The following EDA variants were observed in gnomAD, a reference collection of about 807,000 sequenced individuals.
EDA encodes the protein ectodysplasin-A.
Under a neutral mutation model 23.6 loss-of-function variants are expected in EDA, and 2 were observed. The ratio of observed to expected loss-of-function variants is 0.08; its 90% CI spans 0.03 to 0.27. The LOEUF (loss-of-function observed/expected upper bound fraction) is 0.27, where lower values mean the gene tolerates loss of function less well. Among genes scored for constraint, EDA ranks in the 10% least tolerant of loss-of-function variants. The pLI is 1.00. For synonymous variants in EDA, 131 were observed against 132.0 expected, an observed-to-expected ratio of 0.99 and a Z score of 0.05; for missense variants, 229 against 324.2, an observed-to-expected ratio of 0.71 and a Z score of 2.26.
At chrX:69,924,017 G>T (rs751779391) in intron 1 of EDA, among the ~76,000 whole-genome samples, 2 of 110,930 alleles carry the variant, frequency 1.8e-5, no homozygotes, top group East Asian at 5.7e-4. Flanking sequence ...TCTGATTGGG[G>T]TTGTTTTTTT....
At chrX:69,853,267 C>A (rs1049304067) in intron 1 of EDA, among the ~76,000 whole-genome samples, 14 of 111,487 alleles carry the variant, frequency 1.3e-4, no homozygotes, top group Non-Finnish European at 1.9e-5. Context: ...AAAATATAAT[C>A]ATTAAAATTA....
intron 1 of EDA, among the ~76,000 whole-genome samples, chrX:69,698,330 G>T (rs1602307549): frequency 9.0e-6 from 1 of 111,717 alleles, no homozygotes; most frequent in Middle Eastern, 4.6e-3. Flanking sequence ...TCTCACTGCA[G>T]TTGGCATGCT....
At chrX:69,921,149 T>C (rs1358373472) in intron 1 of EDA, among the ~76,000 whole-genome samples, 1 of 110,931 alleles carries the variant, frequency 9.0e-6, no homozygotes, top group Admixed American at 9.7e-5. Context: ...TGAACACTTC[T>C]TAACTTGATG....
rs777710048 is a variant in EDA at position 69,990,402 on chromosome X, A to C, written c.503-32816A>C. The stretch of plus-strand genomic sequence containing the variant: ...GATAGCTATCTACTGATTGATAGCT[A>C]TCTACTGATAGCTATCTACTGATTG... On this transcript the variant is annotated intron_variant, in intron 2 of 7. Coordinates refer to ENST00000374552, the MANE Select transcript of EDA (RefSeq NM_001399.5). Among the ~76,000 whole-genome samples the C allele has an allele frequency of 3.6e-5, 4 of 111,127 alleles. No homozygotes were observed. The South Asian group carries it at 1.6e-3, about 43-fold the overall frequency.
At chrX:70,007,882 T>C (rs1007160765) in intron 2 of EDA, among the ~76,000 whole-genome samples, 3 of 112,253 alleles carry the variant, frequency 2.7e-5, no homozygotes, top group African/African-American at 9.7e-5. Flanking sequence ...TATGTTAATA[T>C]AAATAGTGTT....
At chrX:69,732,067 T>C (rs2013051702) in intron 1 of EDA, among the ~76,000 whole-genome samples, 1 of 107,099 alleles carries the variant, frequency 9.3e-6, no homozygotes, top group Non-Finnish European at 2.0e-5. Context: ...ATCTGTTACA[T>C]TGATTAATTA....
intron 1 of EDA, among the ~76,000 whole-genome samples, chrX:69,863,221 AC>A (rs1361856536): frequency 9.2e-6 from 1 of 108,762 alleles, no homozygotes; most frequent in Non-Finnish European, 1.9e-5. Flanking sequence ...CAGAGAAAGG[AC>A]CTCCAGATAC....
intron 1 of EDA, among the ~76,000 whole-genome samples, chrX:69,748,714 G>T (rs902351490): frequency 1.8e-5 from 2 of 111,301 alleles, no homozygotes; most frequent in Non-Finnish European, 3.8e-5. Context: ...CCCGCAGCAT[G>T]GTCTTGGGTC....
At chrX:69,826,831 C>G (rs2016452932) in intron 1 of EDA, among the ~76,000 whole-genome samples, 1 of 111,511 alleles carries the variant, frequency 9.0e-6, no homozygotes, top group African/African-American at 3.3e-5. Flanking sequence ...TTTGCAGTGG[C>G]TGGAACCGGT....
intron 1 of EDA, among the ~76,000 whole-genome samples, chrX:69,776,264 G>A (rs2014779083): frequency 8.9e-6 from 1 of 111,804 alleles, no homozygotes; most frequent in Non-Finnish European, 1.9e-5. Context: ...ACAAATTTTT[G>A]TATGAACAGT....
chrX:69,654,034 T>G (rs1201664073), intron 1 of EDA, among the ~76,000 whole-genome samples: 5 of 110,471 alleles, frequency 4.5e-5, no homozygotes, highest in Non-Finnish European at 9.5e-5. Context: ...TGGGAGAAAA[T>G]TTTTGCAACC....
chrX:69,762,899 G>A (rs941529780), intron 1 of EDA, among the ~76,000 whole-genome samples: 1 of 112,108 alleles, frequency 8.9e-6, no homozygotes, highest in Non-Finnish European at 1.9e-5. Flanking sequence ...TCTCTGCACA[G>A]GTAGTTTGGG....
intron 1 of EDA, among the ~76,000 whole-genome samples, chrX:69,754,071 C>G (rs140398157): frequency 0.014 from 1,553 of 111,592 alleles, 19 homozygotes; most frequent in African/African-American, 0.046. Flanking sequence ...CCATTTACAT[C>G]TAAGGTTAAT....
At chrX:69,632,118 C>T (rs1455330861) in intron 1 of EDA, among the ~76,000 whole-genome samples, 12 of 111,822 alleles carry the variant, frequency 1.1e-4, no homozygotes, top group Non-Finnish European at 3.8e-5. Flanking sequence ...GGAGTAGTCC[C>T]TTTCCATTAT....
intron 1 of EDA, among the ~76,000 whole-genome samples, chrX:69,642,473 C>T (rs1384093785): frequency 2.7e-5 from 3 of 110,024 alleles, no homozygotes; most frequent in South Asian, 3.9e-4. Context: ...ACACACATAG[C>T]GTATTTATAT....
intron 1 of EDA, among the ~76,000 whole-genome samples, chrX:69,918,047 G>T (rs776820362): frequency 9.1e-6 from 1 of 110,279 alleles, no homozygotes; most frequent in South Asian, 3.8e-4. Flanking sequence ...ATGATGGCAA[G>T]TACTGGTGAT....
chrX:69,666,289 C>T (rs1262355049), intron 1 of EDA, among the ~76,000 whole-genome samples: 2 of 111,755 alleles, frequency 1.8e-5, no homozygotes, highest in African/African-American at 6.5e-5. Context: ...TCTTTTGTTT[C>T]TTTTTCTTGT....
chrX:69,651,473 A>G (rs1485161082), intron 1 of EDA, among the ~76,000 whole-genome samples: 1 of 103,083 alleles, frequency 9.7e-6, no homozygotes, highest in Non-Finnish European at 2.0e-5. Flanking sequence ...CAGGTATATA[A>G]TCTATCTACT....
chrX:69,905,232 G>A (rs1386578340), intron 1 of EDA, among the ~76,000 whole-genome samples: 1 of 112,154 alleles, frequency 8.9e-6, no homozygotes, highest in Admixed American at 9.5e-5. Flanking sequence ...ATTGATGGGA[G>A]GGACACTGGT....
Sources: allele counts gnomAD v4.1 joint callset (sites outside exome capture counted in the v4.1 genomes callset), GRCh38; gene constraint gnomAD v4.1.1; transcripts MANE v1.5; gene names NCBI Gene and HGNC (gene_info 2026-07-23, HGNC 2026-07-21).